The following NBEA variants were observed in gnomAD, a reference collection of about 807,000 sequenced individuals.
NBEA encodes the protein lysosomal-trafficking regulator 2.
NBEA carries 44 observed loss-of-function variants against 343.4 expected under a neutral mutation model. The ratio of observed to expected loss-of-function variants is 0.13; its 90% CI spans 0.10 to 0.16. The LOEUF (loss-of-function observed/expected upper bound fraction) is 0.16. Ranked by LOEUF, NBEA falls within the 10% of genes least tolerant of loss-of-function variation. The probability of loss-of-function intolerance (pLI) is 1.00; values close to 1 mark genes in which losing one functional copy is unlikely to be tolerated. For synonymous variants in NBEA, 1,175 were observed against 1,238.7 expected, an observed-to-expected ratio of 0.95 and a Z score of 1.08; for missense variants, 2,555 against 3,631.3, an observed-to-expected ratio of 0.70 and a Z score of 7.62.
rs1378491151 is a variant in NBEA at position 35,671,006 on chromosome 13, C to T, written c.*15C>T. Reference sequence around the variant, plus strand: ...ACAGATACTGAAGATAAAGGAAGAACCAAAAGCCAAGTTAAAGCTGAGAGC... The same window carrying T: ...ACAGATACTGAAGATAAAGGAAGAATCAAAAGCCAAGTTAAAGCTGAGAGC... On this transcript the variant is annotated 3_prime_UTR_variant, in exon 59 of 59. Transcript: ENST00000379939. The T allele has an allele frequency of 1.3e-6, 2 of 1,543,096 alleles. No individual in the cohort carries two copies. Among genetic ancestry groups the T allele is most frequent in the Admixed American group, 3.8e-5 (2 of 52,248 alleles).
At chr13:35,353,444 A>C (rs2040310641) in intron 38 of NBEA, among the ~76,000 whole-genome samples, 2 of 152,132 alleles carry the variant, frequency 1.3e-5, no homozygotes, top group Non-Finnish European at 2.9e-5. Flanking sequence ...CAAAAAAAAA[A>C]GATTCTGTTA....
intron 47 of NBEA, among the ~76,000 whole-genome samples, chr13:35,595,922 A>G (rs896625509): frequency 1.5e-4 from 23 of 152,018 alleles, no homozygotes; most frequent in African/African-American, 4.6e-4. Flanking sequence ...TTTTTCATGT[A>G]CTTATTGACC....
intron 10 of NBEA, among the ~76,000 whole-genome samples, chr13:35,071,189 C>G (rs1342732442): frequency 6.6e-6 from 1 of 151,648 alleles, no homozygotes; most frequent in East Asian, 1.9e-4. Context: ...ACCATGAAAC[C>G]CTGTCAGGTT....
chr13:35,260,414 T>C (rs2033101111), intron 34 of NBEA, among the ~76,000 whole-genome samples: 1 of 152,214 alleles, frequency 6.6e-6, no homozygotes, highest in South Asian at 2.1e-4. Context: ...TTTTTATACA[T>C]TGAACAGTAG....
chr13:35,628,283 C>G (rs372930223), intron 49 of NBEA, 35 bp downstream of exon 49: 38 of 1,446,436 alleles, frequency 2.6e-5, no homozygotes, highest in Non-Finnish European at 3.4e-5. Flanking sequence ...CCAAAAATTT[C>G]TGTCATCTCT....
chr13:35,135,173 C>T (rs2067648014), intron 17 of NBEA, among the ~76,000 whole-genome samples: 1 of 152,002 alleles, frequency 6.6e-6, no homozygotes, highest in Non-Finnish European at 1.5e-5. Flanking sequence ...TAATGCAGAA[C>T]TGTGTTTTGA....
intron 1 of NBEA, 136 bp from the exon 2 acceptor site, chr13:35,040,797 T>C (rs1437229617): frequency 2.9e-6 from 2 of 692,666 alleles, no homozygotes; most frequent in Non-Finnish European, 4.8e-6. Flanking sequence ...TCTTATACTT[T>C]TGATCAAAAT....
At chr13:35,023,669 T>C (rs1412673869) in intron 1 of NBEA, among the ~76,000 whole-genome samples, 1 of 152,002 alleles carries the variant, frequency 6.6e-6, no homozygotes, top group East Asian at 1.9e-4. Flanking sequence ...AAAGAAAAAG[T>C]GTGAGTAAAA....
At chr13:35,331,958 T>C (rs1281611358) in intron 36 of NBEA, among the ~76,000 whole-genome samples, 2 of 152,064 alleles carry the variant, frequency 1.3e-5, no homozygotes, top group Non-Finnish European at 2.9e-5. Context: ...TTTTTCCATG[T>C]TAAATGTACT....
At chr13:35,131,111 G>A (rs1156769829) in intron 17 of NBEA, among the ~76,000 whole-genome samples, 1 of 151,744 alleles carries the variant, frequency 6.6e-6, no homozygotes, top group African/African-American at 2.4e-5. Context: ...AATAGTAAAG[G>A]GCAGAAGTGA....
intron 11 of NBEA, among the ~76,000 whole-genome samples, chr13:35,100,360 T>A (rs1323085809): frequency 6.6e-6 from 1 of 152,062 alleles, no homozygotes; most frequent in Non-Finnish European, 1.5e-5. Flanking sequence ...TTTATTAAGA[T>A]GATTTTTTCC....
intron 32 of NBEA, 65 bp from the exon 33 acceptor site, chr13:35,210,988 G>A: frequency 1.4e-6 from 2 of 1,460,118 alleles, no homozygotes; most frequent in South Asian, 1.3e-5. Flanking sequence ...AGATAGTAAT[G>A]GTGTAATTAA....
At chr13:35,573,031 A>G (rs182222157) in intron 45 of NBEA, among the ~76,000 whole-genome samples, 2 of 152,308 alleles carry the variant, frequency 1.3e-5, no homozygotes, top group East Asian at 3.9e-4. Flanking sequence ...AAATATAATT[A>G]TATACCATCT....
rs530872917 is a variant in NBEA, at chr13:35,201,019, A to G, written c.5366+4717A>G. Among the ~76,000 whole-genome samples, 6 of 151,620 alleles carry G rather than the reference A, an allele frequency of 4.0e-5. No individual in the cohort carries two copies. In the East Asian group the frequency reaches 1.2e-3, roughly 29 times the overall value. ...ATTTGTTCTTATTACTATTTTTTTA[A>G]AAAAGTATTTTGACCCTATCACTTA... On this transcript the variant is annotated intron_variant, in intron 31 of 58. Transcript: ENST00000379939.
chr13:35,658,714 G>GA (rs903524278), intron 55 of NBEA, among the ~76,000 whole-genome samples: 6 of 152,130 alleles, frequency 3.9e-5, no homozygotes, highest in African/African-American at 1.4e-4. Context: ...TGATGATTAT[G>GA]AAAAAAACTG....
intron 1 of NBEA, among the ~76,000 whole-genome samples, chr13:35,004,226 G>A (rs2061241180): frequency 6.6e-6 from 1 of 152,144 alleles, no homozygotes; most frequent in Non-Finnish European, 1.5e-5. Context: ...TGTGAATAGT[G>A]CTGCAGTGCA....
intron 10 of NBEA, among the ~76,000 whole-genome samples, chr13:35,094,609 G>A (rs2065242320): frequency 6.6e-6 from 1 of 151,932 alleles, no homozygotes; most frequent in Non-Finnish European, 1.5e-5. Flanking sequence ...TCTTGGATGC[G>A]AAATTGTCTT....
intron 5 of NBEA, among the ~76,000 whole-genome samples, chr13:35,049,015 C>G (rs1247602464): frequency 6.6e-6 from 1 of 151,822 alleles, no homozygotes; most frequent in Non-Finnish European, 1.5e-5. Flanking sequence ...AAATTCCAAA[C>G]TTTTACCAGA....
intron 11 of NBEA, among the ~76,000 whole-genome samples, chr13:35,105,064 A>G (rs942226531): frequency 2.6e-5 from 4 of 152,044 alleles, no homozygotes; most frequent in Non-Finnish European, 5.9e-5. Context: ...ATTTGAAGAG[A>G]TGAGGGAAAT....
Sources: gnomAD v4.1 joint callset for allele counts (sites outside exome capture counted in the v4.1 genomes callset) on GRCh38, gnomAD v4.1.1 for gene constraint, MANE v1.5 for transcripts, NCBI Gene and HGNC (gene_info 2026-07-23, HGNC 2026-07-21) for gene names.